Variants in DNAAF5 observed in about 807,000 individuals in gnomAD.
DNAAF5 encodes the protein dynein axonemal assembly factor 5.
DNAAF5 carries 64 observed loss-of-function variants against 75.8 expected under a neutral mutation model. The ratio of observed to expected loss-of-function variants is 0.84; its 90% CI spans 0.69 to 1.04. The LOEUF (loss-of-function observed/expected upper bound fraction) is 1.04, where lower values mean the gene tolerates loss of function less well. Among genes scored for constraint, DNAAF5 ranks in the 50% least tolerant of loss-of-function variants. DNAAF5 has a pLI of 0.00. For missense variants in DNAAF5, 1,269 were observed against 1,178.5 expected, an observed-to-expected ratio of 1.08 and a Z score of -1.12; for synonymous variants, 657 against 557.2, an observed-to-expected ratio of 1.18 and a Z score of -2.52.
chr7:769,292 A>G lies in DNAAF5; in HGVS notation c.1784-1179A>G. The G allele has an allele frequency of 5.8e-6, 4 of 692,248 alleles. No homozygotes were observed. In the South Asian group the frequency reaches 6.1e-5, roughly 11 times the overall value. 42.9% of individuals were successfully genotyped at this position (692,248 alleles called of 1,614,324 possible). A position where few individuals can be genotyped will look rare whatever the true frequency, so the allele number is the denominator to read the frequency against. On this transcript the variant is annotated intron_variant, in intron 8 of 12. Coordinates refer to ENST00000297440, the MANE Select transcript of DNAAF5 (RefSeq NM_017802.4). Reference sequence around the variant, plus strand: ...GCGCCTCCTTCTGCGGCCCCAACCCAGTCCCCACCCTGAGCCTTCAGCTCC... The same window carrying G: ...GCGCCTCCTTCTGCGGCCCCAACCCGGTCCCCACCCTGAGCCTTCAGCTCC...
intron 1 of DNAAF5, among the ~76,000 whole-genome samples, chr7:728,052 C>T (rs956721476): frequency 6.6e-6 from 1 of 152,164 alleles, no homozygotes; most frequent in East Asian, 1.9e-4. Flanking sequence ...CCTTTCCGCT[C>T]TGGCTTGGAC....
In DNAAF5 at chr7:739,444, G is replaced by T. The variant is rs567231536; in HGVS notation, c.781-1375G>T. On this transcript the variant is annotated intron_variant, in intron 2 of 12. Transcript: ENST00000297440. ...TGTGGGGACTCTCTAGCCAGGTGGTGGAATGGCCGTGGAGCTGATTTGGGT... is the reference window on the plus strand; with the variant it reads ...TGTGGGGACTCTCTAGCCAGGTGGTTGAATGGCCGTGGAGCTGATTTGGGT... Among the ~76,000 whole-genome samples, 7 of 152,348 alleles carry T rather than the reference G, an allele frequency of 4.6e-5. No homozygotes were observed. In the East Asian group the frequency reaches 1.4e-3, roughly 29 times the overall value.
intron 4 of DNAAF5, among the ~76,000 whole-genome samples, chr7:745,593 A>G (rs1450079171): frequency 3.3e-5 from 5 of 151,206 alleles, no homozygotes; most frequent in African/African-American, 1.2e-4. Context: ...ACACATCTGC[A>G]CACGTATACA....
rs1332066681 is a variant in DNAAF5 at position 729,716 on chromosome 7, T to C, written c.649T>C (p.Ser217Pro). The C allele has an allele frequency of 6.2e-7, 1 of 1,613,988 alleles. No individual in the cohort carries two copies. ...SLIGPLMQTI[S>P]HQHWKVRVAA... ...GATCGGGCCCCTGATGCAGACCATC[T>C]CCCACCAGCACTGGAAGGTCCGTGT... The change falls in exon 2 of 13, where the codon TCC becomes CCC. Residue 217 changes from serine (S) to proline (P), a missense_variant. By Grantham distance (74) the Ser-to-Pro change is moderately conservative. Transcript: ENST00000297440.
At chr7:772,846 CT>C (rs961823224) in intron 9 of DNAAF5, 3 of 151,576 alleles carry the variant, frequency 2.0e-5, no homozygotes, top group African/African-American at 7.3e-5. Context: ...GAGACTTTGT[CT>C]CAAAAAAAAG....
At chr7:761,671 G>A in intron 6 of DNAAF5, 82 bp from the exon 7 acceptor site, 2 of 1,420,638 alleles carry the variant, frequency 1.4e-6, no homozygotes, top group Admixed American at 2.2e-5. Flanking sequence ...GGGGATTATG[G>A]GAGCTACAGT....
chr7:729,695 G>C lies in DNAAF5; in HGVS notation c.628G>C (p.Gly210Arg), dbSNP rs767022738. The C allele has an allele frequency of 6.2e-7, 1 of 1,614,008 alleles. No homozygotes were observed. Among genetic ancestry groups the C allele is most frequent in the Non-Finnish European group, 8.5e-7 (1 of 1,180,014 alleles). ...HFHMQSESLI[G>R]PLMQTISHQH... is the part of the protein sequence containing the mutation. ...CCACATGCAGTCGGAGTCTCTGATC[G>C]GGCCCCTGATGCAGACCATCTCCCA... The change falls in exon 2 of 13, where the codon GGG becomes CGG. Residue 210 changes from glycine to arginine, a missense_variant. By Grantham distance (125) the Gly-to-Arg change is moderately radical. Coordinates refer to ENST00000297440, the MANE Select transcript of DNAAF5 (RefSeq NM_017802.4).
chr7:774,173 G>A lies in DNAAF5; in HGVS notation c.2057G>A (p.Ser686Asn), dbSNP rs768355587. The A allele has an allele frequency of 6.2e-7, 1 of 1,610,764 alleles. No homozygotes were observed. The highest frequency in any genetic ancestry group is 8.5e-7 in the Non-Finnish European group (1 of 1,179,714). Reference protein sequence around the residue: ...AAVSCLWALTSSEVLSAEQIR... With the variant: ...AAVSCLWALTNSEVLSAEQIR... ...GTGTCCTGCCTCTGGGCGCTCACCA[G>A]CAGCGAGGTCCTGTCGGCAGAGCAG... The change falls in exon 10 of 13, where the codon AGC (serine) becomes AAC (asparagine). Residue 686 changes from serine to asparagine, a missense_variant. By Grantham distance (46) the Ser-to-Asn change is conservative. Coordinates refer to ENST00000297440, the MANE Select transcript of DNAAF5 (RefSeq NM_017802.4).
intron 4 of DNAAF5, among the ~76,000 whole-genome samples, chr7:750,491 G>A (rs1782259678): frequency 6.6e-6 from 1 of 152,198 alleles, no homozygotes; most frequent in African/African-American, 2.4e-5. Context: ...GTTTCAGGTT[G>A]AAATTGTTCT....
intron 2 of DNAAF5, among the ~76,000 whole-genome samples, chr7:737,845 C>CT (rs1400025800): frequency 6.6e-6 from 1 of 152,188 alleles, no homozygotes; most frequent in Non-Finnish European, 1.5e-5. Flanking sequence ...AGAACCCTTT[C>CT]TTCATCTTTG....
chr7:740,671 G>A (rs1029728423), intron 2 of DNAAF5, 148 bp from the exon 3 acceptor site: 8 of 1,137,768 alleles, frequency 7.0e-6, no homozygotes, highest in South Asian at 1.4e-5. Context: ...CTTGGGGATG[G>A]CATCTAGGCG....
intron 12 of DNAAF5, among the ~76,000 whole-genome samples, chr7:781,737 G>C (rs557088971): frequency 4.6e-4 from 70 of 152,344 alleles, no homozygotes; most frequent in Admixed American, 1.8e-3. Context: ...ATTTCTCTGA[G>C]GAGCGGTGGT....
rs149610399 is a variant in DNAAF5 at position 761,769 on chromosome 7, G to T, written c.1487G>T (p.Arg496Leu). The change falls in exon 7 of 13, where the codon CGC (arginine) becomes CTC (leucine). Residue 496 changes from arginine (R) to leucine (L), a missense_variant. Coordinates refer to ENST00000297440, the MANE Select transcript of DNAAF5 (RefSeq NM_017802.4). The stretch of plus-strand genomic sequence containing the variant: ...CTCTTCCAGGACCTCTACCTGGAGC[G>T]CCTGCTGCTGTGTGTGCAGGCTCTG... The part of the protein sequence containing the change: ...QASENDLYLE[R>L]LLLCVQALVS... The T allele has an allele frequency of 2.5e-6, 4 of 1,606,462 alleles. No individual in the cohort carries two copies. Among genetic ancestry groups the T allele is most frequent in the Non-Finnish European group, 3.4e-6 (4 of 1,176,754 alleles).
chr7:736,754 G>A lies in DNAAF5; in HGVS notation c.781-4065G>A, dbSNP rs558403071. ...ACTCCTGCCGTTTTGTTGTTTTCTGGTTGTTTCGTGGTCTGCTCTTCCTTC... is the reference window on the plus strand; with the variant it reads ...ACTCCTGCCGTTTTGTTGTTTTCTGATTGTTTCGTGGTCTGCTCTTCCTTC... On this transcript the variant is annotated intron_variant, in intron 2 of 12. Transcript: ENST00000297440. 3.3e-5 allele frequency among the ~76,000 whole-genome samples: 5 copies of A among 152,132 alleles called. No homozygotes were observed. The South Asian group carries it at 1.0e-3, about 32-fold the overall frequency.
chr7:743,508 A>G (rs973199888), intron 4 of DNAAF5, among the ~76,000 whole-genome samples: 2 of 152,202 alleles, frequency 1.3e-5, no homozygotes, highest in South Asian at 4.1e-4. Flanking sequence ...CCCGGTCGGC[A>G]TTCTCCACCT....
chr7:754,643 T>G lies in DNAAF5; in HGVS notation c.1079T>G (p.Ile360Ser), dbSNP rs780001344. 1 of 1,614,104 alleles carries G rather than the reference T, an allele frequency of 6.2e-7. No homozygotes were observed. The highest frequency in any genetic ancestry group is 1.7e-5 in the Admixed American group (1 of 60,020). ...CTCGTCTTCAGGAACCTCTCCAAGA[T>G]CCTCCCTGCCCTGTGCCACGACATC... ...RELVFRNLSKILPALCHDITD... is the reference protein window; with the variant it reads ...RELVFRNLSKSLPALCHDITD... The change falls in exon 5 of 13, where the codon ATC becomes AGC. Residue 360 changes from isoleucine to serine, a missense_variant. Ile to Ser is a moderately radical substitution (Grantham distance 142). Transcript: ENST00000297440. This position sits in a 1 kb window ranked among gnomAD's most constrained non-coding sequence, Gnocchi z 4.8.
Position 775,513 on chromosome 7 carries a change from T to G in DNAAF5, c.2239+351T>G, listed in dbSNP as rs562852629. Among the ~76,000 whole-genome samples the G allele has an allele frequency of 7.7e-3, 136 of 17,564 alleles. 2 individuals are homozygous for G. In the South Asian group the frequency reaches 0.082, roughly 11 times the overall value. 11.5% of individuals were successfully genotyped at this position (17,564 alleles called of 152,430 possible). A position where few individuals can be genotyped will look rare whatever the true frequency, so the allele number is the denominator to read the frequency against. The stretch of plus-strand genomic sequence containing the variant: ...AAAACCTTGTCTTTAAAAGTAGGGG[T>G]GTGTGTGTGTGTGTGTGTGTGTGTG... On this transcript the variant is annotated intron_variant, in intron 11 of 12. Transcript: ENST00000297440.
At chr7:734,564 C>G (rs1781677596) in intron 2 of DNAAF5, among the ~76,000 whole-genome samples, 1 of 152,190 alleles carries the variant, frequency 6.6e-6, no homozygotes, top group African/African-American at 2.4e-5. Context: ...CTGGCTGGTT[C>G]TGGTATCAGG....
At chr7:752,190 G>A (rs1055507611) in intron 4 of DNAAF5, among the ~76,000 whole-genome samples, 6 of 152,246 alleles carry the variant, frequency 3.9e-5, no homozygotes, top group Non-Finnish European at 8.8e-5. Context: ...TACTGTAAAT[G>A]ATAGGATCAC....
Sources: gnomAD v4.1 joint callset for allele counts (sites outside exome capture counted in the v4.1 genomes callset) on GRCh38, gnomAD v4.1.1 for gene constraint, Gnocchi (gnomAD v3.1) non-coding constraint, MANE v1.5 for transcripts, NCBI Gene and HGNC (gene_info 2026-07-23, HGNC 2026-07-21) for gene names.